The following DOCK10 variants were observed in gnomAD, a reference collection of about 807,000 sequenced individuals.
DOCK10 encodes the protein dedicator of cytokinesis protein 10.
In DOCK10, 145 loss-of-function variants were observed where a neutral mutation model predicts 280.1. The ratio of observed to expected loss-of-function variants is 0.52; its 90% CI spans 0.45 to 0.59. The LOEUF (loss-of-function observed/expected upper bound fraction) is 0.59, where lower values mean the gene tolerates loss of function less well. Ranked by LOEUF, DOCK10 falls within the 20% of genes least tolerant of loss-of-function variation. The pLI, the probability that DOCK10 is intolerant of heterozygous loss-of-function variation, is 0.00. For synonymous variants in DOCK10, 915 were observed against 942.2 expected (o/e 0.97, Z 0.53); for missense variants, 2,368 against 2,651.7 (o/e 0.89, Z 2.35).
At chr2:224,961,513 C>A (rs1275693314) in intron 1 of DOCK10, among the ~76,000 whole-genome samples, 1 of 94,024 alleles carries the variant, frequency 1.1e-5, no homozygotes, top group Admixed American at 1.2e-4. Context: ...CTTCTTTCTT[C>A]ATTTTTTTTT....
At chr2:224,885,645 A>T (rs746386306) in intron 7 of DOCK10, 26 bp downstream of exon 7, 4 of 1,544,408 alleles carry the variant, frequency 2.6e-6, no homozygotes, top group African/African-American at 2.8e-5. Flanking sequence ...AAAAAATCCC[A>T]AGGAGGAAAA....
chr2:224,828,454 G>A (rs1300376336), intron 27 of DOCK10, among the ~76,000 whole-genome samples: 6 of 152,156 alleles, frequency 3.9e-5, no homozygotes, highest in African/African-American at 1.4e-4. Context: ...AAAAAATAAA[G>A]AGGTGGAGGG....
intron 1 of DOCK10, among the ~76,000 whole-genome samples, chr2:225,013,437 G>C (rs548873512): frequency 2.0e-5 from 3 of 152,214 alleles, no homozygotes; most frequent in Admixed American, 2.0e-4. Flanking sequence ...CTCAGAAATG[G>C]CTCCACAAGT....
At chr2:224,767,369 G>T (rs1235774415) in intron 55 of DOCK10, among the ~76,000 whole-genome samples, 1 of 152,116 alleles carries the variant, frequency 6.6e-6, no homozygotes, top group Admixed American at 6.5e-5. Flanking sequence ...TCACCATGTT[G>T]GCCAGGCTGG....
rs147133208 is a variant in DOCK10 at position 224,947,491 on chromosome 2, A to G, written c.124-15823T>C. On this transcript the variant is annotated intron_variant, in intron 1 of 55. Transcript: ENST00000258390. ...GAGTTCCCAAAGTGATTGTTTAGAGAACAAGAAGAAGATATTAGAATTTTT... is the reference window on the plus strand; with the variant it reads ...GAGTTCCCAAAGTGATTGTTTAGAGGACAAGAAGAAGATATTAGAATTTTT... 9.8e-5 allele frequency among the ~76,000 whole-genome samples: 15 copies of G among 152,350 alleles called. No homozygotes were observed. In the East Asian group the frequency reaches 2.9e-3, roughly 29 times the overall value.
chr2:225,000,992 T>A (rs1258183952), intron 1 of DOCK10, among the ~76,000 whole-genome samples: 3 of 152,100 alleles, frequency 2.0e-5, no homozygotes, highest in Non-Finnish European at 4.4e-5. Context: ...AAAAAATTAA[T>A]CACTAGAAGC....
intron 13 of DOCK10, among the ~76,000 whole-genome samples, chr2:224,864,238 T>C (rs1697717119): frequency 6.6e-6 from 1 of 152,278 alleles, no homozygotes; most frequent in African/African-American, 2.4e-5. Context: ...CTGGGCATGG[T>C]GGCTCATGCC....
chr2:224,824,110 CA>C (rs1393158454), intron 27 of DOCK10, among the ~76,000 whole-genome samples: 1 of 152,024 alleles, frequency 6.6e-6, no homozygotes, highest in East Asian at 1.9e-4. Flanking sequence ...GGAATGCCCC[CA>C]ATAAACTAGT....
intron 1 of DOCK10, among the ~76,000 whole-genome samples, chr2:224,979,963 T>TAAAAA (rs35303687): frequency 8.7e-5 from 13 of 149,056 alleles, no homozygotes; most frequent in African/African-American, 3.0e-4. Context: ...TGTGATCTTA[T>TAAAAA]AAAAAAAAAA....
At chr2:224,863,422 T>A (rs1277648397) in intron 13 of DOCK10, among the ~76,000 whole-genome samples, 1 of 152,216 alleles carries the variant, frequency 6.6e-6, no homozygotes, top group Non-Finnish European at 1.5e-5. Flanking sequence ...TTCTTTGGCA[T>A]GGAAAATATA....
At chr2:225,002,934 G>C (rs1384834587) in intron 1 of DOCK10, among the ~76,000 whole-genome samples, 1 of 152,234 alleles carries the variant, frequency 6.6e-6, no homozygotes, top group African/African-American at 2.4e-5. Context: ...CATCAGTGTG[G>C]TCTGTCTTGG....
chr2:224,938,137 T>C (rs1702796690), intron 1 of DOCK10, among the ~76,000 whole-genome samples: 1 of 152,186 alleles, frequency 6.6e-6, no homozygotes, highest in Non-Finnish European at 1.5e-5. Flanking sequence ...ACCTAGTCTT[T>C]TCAAGAAACA....
rs769624973 is a variant in DOCK10 at position 224,849,624 on chromosome 2, C to A, written c.2143-25G>T. 1.5e-5 allele frequency: 23 copies of A among 1,486,656 alleles called. No individual in the cohort carries two copies. The Admixed American group carries it at 1.7e-4, about 11-fold the overall frequency. The allele number at this position is 1,486,656 out of a possible 1,614,324, so 92.1% of individuals were successfully genotyped here. ...ACTGTTTGAAAAGTTATGAGTTGAA[C>A]AATTATGAGTGTCTGAAATTATCCC... is the stretch of plus-strand genomic sequence containing the variant. On this transcript the variant is annotated intron_variant, in intron 18 of 55. Transcript: ENST00000258390.
chr2:224,849,478 G>T (rs757988034), intron 19 of DOCK10, 29 bp downstream of exon 19: 1 of 1,521,178 alleles, frequency 6.6e-7, no homozygotes, highest in Non-Finnish European at 9.1e-7. Flanking sequence ...CTTAGGAACC[G>T]CTGGGGGCAG....
At chr2:224,918,728 G>A (rs540859807) in intron 2 of DOCK10, among the ~76,000 whole-genome samples, 2 of 151,408 alleles carry the variant, frequency 1.3e-5, no homozygotes, top group East Asian at 3.9e-4. Context: ...TGTGCAATGA[G>A]TATGTGTGTT....
At chr2:224,921,112 A>AAAAAAAAAAAATATAT in intron 2 of DOCK10, among the ~76,000 whole-genome samples, 8 of 54,420 alleles carry the variant, frequency 1.5e-4, no homozygotes, top group Non-Finnish European at 2.1e-4. Context: ...AAAAAAAAAA[A>AAAAAAAAAAAATATAT]ATATATATAT....
intron 1 of DOCK10, among the ~76,000 whole-genome samples, chr2:224,957,276 T>C (rs1704089951): frequency 7.4e-6 from 1 of 134,646 alleles, no homozygotes; most frequent in Non-Finnish European, 1.6e-5. Context: ...TATTTAGTTT[T>C]TACTTTCCGC....
intron 7 of DOCK10, among the ~76,000 whole-genome samples, chr2:224,881,380 A>AAAATCCC (rs1262627072): frequency 2.0e-5 from 3 of 152,162 alleles, no homozygotes; most frequent in African/African-American, 7.2e-5. Flanking sequence ...AATATATACT[A>AAAATCCC]GTATTTGCTG....
chr2:225,014,008 A>C (rs531396075), intron 1 of DOCK10, among the ~76,000 whole-genome samples: 23 of 151,850 alleles, frequency 1.5e-4, no homozygotes, highest in African/African-American at 5.6e-4. Context: ...CCTTTAGTAA[A>C]CTGCTACTTA....
Sources: gnomAD v4.1 joint callset for allele counts (sites outside exome capture counted in the v4.1 genomes callset) on GRCh38, gnomAD v4.1.1 for gene constraint, MANE v1.5 for transcripts, NCBI Gene and HGNC (gene_info 2026-07-23, HGNC 2026-07-21) for gene names.